ARHGAP28: variants seen among roughly 807,000 people sequenced by gnomAD.
The protein encoded by ARHGAP28 is rho GTPase-activating protein 28.
A neutral mutation model predicts 90.7 loss-of-function variants in ARHGAP28; 56 were observed. That is an observed-to-expected ratio of 0.62 (90% CI 0.50 to 0.77). The LOEUF is 0.77. Among genes scored for constraint, ARHGAP28 ranks in the 30% least tolerant of loss-of-function variants. The pLI is 0.00. For synonymous variants in ARHGAP28, 308 were observed against 323.3 expected, an observed-to-expected ratio of 0.95 and a Z score of 0.51; for missense variants, 869 against 900.9, an observed-to-expected ratio of 0.96 and a Z score of 0.45.
At position 6,868,194 on chromosome 18, in the gene ARHGAP28, A is replaced by G; in HGVS notation, c.771A>G (p.Gly257=). The change falls in exon 6 of 18, where the codon GGA becomes GGG. Residue 257 remains glycine (G), a synonymous_variant. Transcript: ENST00000383472. The part of the protein sequence containing the change: ...TIPVLPVHSN[G]SPEPGQPVQN... ...CAGTTCTACCAGTTCATTCCAATGGATCACCGGAGCCTGGACAGCCAGTTC... is the reference window on the plus strand; with the variant it reads ...CAGTTCTACCAGTTCATTCCAATGGGTCACCGGAGCCTGGACAGCCAGTTC... 1 of 1,614,130 alleles carries G rather than the reference A, an allele frequency of 6.2e-7. No individual in the cohort carries two copies. Among genetic ancestry groups the G allele is most frequent in the Non-Finnish European group, 8.5e-7 (1 of 1,180,022 alleles).
intron 1 of ARHGAP28, among the ~76,000 whole-genome samples, chr18:6,816,868 G>A (rs554970036): frequency 1.1e-3 from 162 of 151,866 alleles, no homozygotes; most frequent in African/African-American, 3.7e-3. Flanking sequence ...CAGGAGAGTC[G>A]CTTGAGCTCA....
chr18:6,741,912 A>G (rs1490468943), intron 1 of ARHGAP28, among the ~76,000 whole-genome samples: 5 of 152,268 alleles, frequency 3.3e-5, no homozygotes, highest in Admixed American at 6.5e-5. Flanking sequence ...GGATCCCCCA[A>G]TCGCTTTATT....
At chr18:6,859,073 A>G (rs1022755431) in intron 4 of ARHGAP28, among the ~76,000 whole-genome samples, 1 of 133,470 alleles carries the variant, frequency 7.5e-6, no homozygotes, top group Non-Finnish European at 1.6e-5. Context: ...TTTCAGCTTT[A>G]TTAAAACAAC....
intron 3 of ARHGAP28, among the ~76,000 whole-genome samples, chr18:6,842,696 G>A (rs1342533312): frequency 6.6e-6 from 1 of 152,016 alleles, no homozygotes; most frequent in Non-Finnish European, 1.5e-5. Context: ...TATGGTAATG[G>A]GAGTTGTATG....
At chr18:6,878,013 C>T (rs2057145960) in intron 10 of ARHGAP28, among the ~76,000 whole-genome samples, 1 of 152,006 alleles carries the variant, frequency 6.6e-6, no homozygotes, top group South Asian at 2.1e-4. Context: ...TGTACACATG[C>T]ATGCATGGGT....
At chr18:6,876,263 T>G (rs889678792) in intron 10 of ARHGAP28, 55 bp downstream of exon 10, 2 of 1,310,854 alleles carry the variant, frequency 1.5e-6, no homozygotes, top group African/African-American at 2.9e-5. Flanking sequence ...TAGACCCAGT[T>G]CACACAAGCA....
chr18:6,848,754 G>T (rs1432930068), intron 3 of ARHGAP28, among the ~76,000 whole-genome samples: 1 of 152,148 alleles, frequency 6.6e-6, no homozygotes, highest in Non-Finnish European at 1.5e-5. Flanking sequence ...AAGCAGTTCT[G>T]TCTTGAGCTC....
chr18:6,904,005 T>G (rs1254405579), intron 16 of ARHGAP28, among the ~76,000 whole-genome samples: 1 of 152,000 alleles, frequency 6.6e-6, no homozygotes, highest in Non-Finnish European at 1.5e-5. Context: ...ACTTTAAAAC[T>G]AAACCAGATA....
intron 11 of ARHGAP28, among the ~76,000 whole-genome samples, chr18:6,886,783 C>G (rs1209390093): frequency 3.3e-5 from 5 of 152,168 alleles, no homozygotes; most frequent in Non-Finnish European, 7.3e-5. Flanking sequence ...AATACTTATA[C>G]TTTTCTGCCT....
At position 6,914,788 on chromosome 18, in the gene ARHGAP28, G is replaced by A. The variant is rs2143907373; in HGVS notation, c.*2634G>A. 1 of 152,416 alleles carries A rather than the reference G, an allele frequency of 6.6e-6. No individual in the cohort carries two copies. Among genetic ancestry groups the A allele is most frequent in the South Asian group, 2.1e-4 (1 of 4,814 alleles). The allele number at this position is 152,416 out of a possible 1,614,324, so 9.4% of individuals were successfully genotyped here. A position where few individuals can be genotyped will look rare whatever the true frequency, so the allele number is the denominator to read the frequency against. On this transcript the variant is annotated 3_prime_UTR_variant, in exon 18 of 18. Transcript: ENST00000383472. Reference sequence around the variant, plus strand: ...GTGTTAGAGGGAACTAACATTTTAGGAATGCTTATTCAGAAAAAAATCCTA... The same window carrying A: ...GTGTTAGAGGGAACTAACATTTTAGAAATGCTTATTCAGAAAAAAATCCTA...
Position 6,898,639 on chromosome 18 carries a change from A to G in ARHGAP28, c.2030+2013A>G, listed in dbSNP as rs2143801390. ...GGGTATCCAGTAGACTTTTAGTTAC[A>G]TATACTACAAAACTGACTTTGTACT... On this transcript the variant is annotated intron_variant, in intron 16 of 17. Coordinates refer to ENST00000383472, the MANE Select transcript of ARHGAP28 (RefSeq NM_001366230.1). 4.6e-6 allele frequency: 7 copies of G among 1,536,552 alleles called. No homozygotes were observed. The South Asian group carries it at 9.2e-5, about 20-fold the overall frequency.
chr18:6,910,363 C>G (rs150452470), intron 17 of ARHGAP28, among the ~76,000 whole-genome samples: 1 of 152,182 alleles, frequency 6.6e-6, no homozygotes, highest in South Asian at 2.1e-4. Flanking sequence ...CCTTCCTTGG[C>G]GAGCTCAATC....
intron 3 of ARHGAP28, among the ~76,000 whole-genome samples, chr18:6,839,869 G>A (rs759478080): frequency 2.6e-5 from 4 of 152,166 alleles, no homozygotes; most frequent in Admixed American, 2.0e-4. Flanking sequence ...CATTTGACTT[G>A]TCATGATCAT....
chr18:6,856,314 T>C (rs958763752), intron 4 of ARHGAP28, among the ~76,000 whole-genome samples: 2 of 152,166 alleles, frequency 1.3e-5, no homozygotes, highest in Non-Finnish European at 2.9e-5. Context: ...AGTTTTTTAA[T>C]CTCTAATATA....
intron 1 of ARHGAP28, among the ~76,000 whole-genome samples, chr18:6,732,592 G>A (rs1001614996): frequency 3.9e-5 from 6 of 152,194 alleles, no homozygotes; most frequent in Admixed American, 6.5e-5. Flanking sequence ...GGGGGCTGCT[G>A]TGCTTGTTTG....
At chr18:6,804,441 G>A (rs1171534771) in intron 1 of ARHGAP28, among the ~76,000 whole-genome samples, 2 of 151,230 alleles carry the variant, frequency 1.3e-5, no homozygotes, top group African/African-American at 4.9e-5. Context: ...TTGTTTTTTG[G>A]TTCTGGTACT....
At chr18:6,851,158 G>T in intron 4 of ARHGAP28, 32 bp downstream of exon 4, 1 of 1,592,278 alleles carries the variant, frequency 6.3e-7, no homozygotes, top group Non-Finnish European at 8.6e-7. Flanking sequence ...ATGGTGGTAG[G>T]CATGAAATAA....
chr18:6,812,725 C>T (rs2056565721), intron 1 of ARHGAP28, among the ~76,000 whole-genome samples: 1 of 152,208 alleles, frequency 6.6e-6, no homozygotes, highest in African/African-American at 2.4e-5. Flanking sequence ...AAGAACCCCA[C>T]AGTGTGAAGT....
At chr18:6,758,047 T>A (rs1031429127) in intron 1 of ARHGAP28, among the ~76,000 whole-genome samples, 3 of 152,244 alleles carry the variant, frequency 2.0e-5, no homozygotes, top group Non-Finnish European at 4.4e-5. Context: ...TTTTTTGTGC[T>A]GTATTAAATA....
Sources: allele counts gnomAD v4.1 joint callset (sites outside exome capture counted in the v4.1 genomes callset), GRCh38; gene constraint gnomAD v4.1.1; transcripts MANE v1.5; gene names NCBI Gene and HGNC (gene_info 2026-07-23, HGNC 2026-07-21).